Variants in CAMK1D observed in about 807,000 individuals in gnomAD.
CAMK1D encodes calcium/calmodulin-dependent protein kinase type 1D.
A neutral mutation model predicts 47.7 loss-of-function variants in CAMK1D; 9 were observed. The ratio of observed to expected loss-of-function variants is 0.19; its 90% CI spans 0.11 to 0.33. The LOEUF (loss-of-function observed/expected upper bound fraction) is 0.33, where lower values mean the gene tolerates loss of function less well. CAMK1D is among the 10% of genes least tolerant of loss of function. The pLI, the probability that CAMK1D is intolerant of heterozygous loss-of-function variation, is 1.00. For synonymous variants in CAMK1D, 184 were observed against 184.9 expected (o/e 0.99, Z 0.04); for missense variants, 291 against 488.7 (o/e 0.60, Z 3.81).
chr10:12,561,947 G>A (rs570576798), intron 2 of CAMK1D, among the ~76,000 whole-genome samples: 34 of 152,248 alleles, frequency 2.2e-4, no homozygotes, highest in African/African-American at 7.2e-4. Context: ...TCTCTCCAGG[G>A]TCCATGTATC....
At chr10:12,604,178 T>C (rs1356003363) in intron 2 of CAMK1D, among the ~76,000 whole-genome samples, 2 of 152,194 alleles carry the variant, frequency 1.3e-5, no homozygotes, top group South Asian at 2.1e-4. Flanking sequence ...CCCGTTCTTA[T>C]GTATCTCTGT....
intron 3 of CAMK1D, 52 bp from the exon 4 acceptor site, chr10:12,760,896 C>T: frequency 6.4e-7 from 1 of 1,570,686 alleles, no homozygotes; most frequent in Non-Finnish European, 8.7e-7. Context: ...GAAGCTTTCC[C>T]TTCACAATTC....
chr10:12,679,334 G>A (rs549305077), intron 3 of CAMK1D, among the ~76,000 whole-genome samples: 12 of 152,072 alleles, frequency 7.9e-5, no homozygotes, highest in East Asian at 1.9e-4. Context: ...GAAACTATCC[G>A]TTTATTTACT....
At chr10:12,811,542 T>A (rs999737917) in intron 6 of CAMK1D, among the ~76,000 whole-genome samples, 2 of 152,208 alleles carry the variant, frequency 1.3e-5, no homozygotes, top group African/African-American at 4.8e-5. Flanking sequence ...TCCTGTGTCC[T>A]CAGTTCAGCC....
chr10:12,538,149 T>C (rs906537827), intron 1 of CAMK1D, among the ~76,000 whole-genome samples: 1 of 152,238 alleles, frequency 6.6e-6, no homozygotes, highest in Non-Finnish European at 1.5e-5. Flanking sequence ...GCTGGGAACA[T>C]ACAGGGAAAA....
chr10:12,733,065 C>T (rs1028148046), intron 3 of CAMK1D, among the ~76,000 whole-genome samples: 2 of 152,220 alleles, frequency 1.3e-5, no homozygotes, highest in African/African-American at 4.8e-5. Flanking sequence ...GATGTCACTC[C>T]CTGGTCCAAA....
intron 6 of CAMK1D, among the ~76,000 whole-genome samples, chr10:12,806,887 G>A (rs1413116396): frequency 1.3e-5 from 2 of 152,006 alleles, no homozygotes; most frequent in Admixed American, 6.6e-5. Flanking sequence ...GGACTTTGGG[G>A]CTGTGGCGGT....
intron 1 of CAMK1D, among the ~76,000 whole-genome samples, chr10:12,380,692 T>TA (rs1297397438): frequency 1.3e-5 from 2 of 152,032 alleles, no homozygotes; most frequent in Non-Finnish European, 2.9e-5. Flanking sequence ...CCATCTCTAC[T>TA]AAAAACACAA....
chr10:12,667,562 A>G (rs1840473493), intron 3 of CAMK1D, among the ~76,000 whole-genome samples: 1 of 152,258 alleles, frequency 6.6e-6, no homozygotes, highest in Non-Finnish European at 1.5e-5. Flanking sequence ...TAGTAGAATT[A>G]ACTGATAGAA....
intron 1 of CAMK1D, among the ~76,000 whole-genome samples, chr10:12,549,541 T>A (rs571062284): frequency 1.3e-5 from 2 of 152,380 alleles, no homozygotes; most frequent in Non-Finnish European, 2.9e-5. Context: ...CAGTCCCTGC[T>A]TTCACTTCTG....
intron 2 of CAMK1D, among the ~76,000 whole-genome samples, chr10:12,615,651 A>G (rs1272253227): frequency 7.0e-6 from 1 of 142,386 alleles, no homozygotes; most frequent in Non-Finnish European, 1.5e-5. Flanking sequence ...TTGTACAGGT[A>G]TGTGTTTATT....
chr10:12,736,439 A>G (rs539471442), intron 3 of CAMK1D, among the ~76,000 whole-genome samples: 299 of 152,362 alleles, frequency 2.0e-3, no homozygotes, highest in African/African-American at 7.1e-3. Flanking sequence ...TAGTAACAGT[A>G]ATACTGAGAA....
In CAMK1D at chr10:12,666,713, T is replaced by C. The variant is rs750951564; in HGVS notation, c.225-23T>C. Reference sequence around the variant, plus strand: ...TCCTATCTAATCATACTCACTATTTTGTGCGTCTATTTTTTTTTTCAGGAT... The same window carrying C: ...TCCTATCTAATCATACTCACTATTTCGTGCGTCTATTTTTTTTTTCAGGAT... On this transcript the variant is annotated intron_variant, in intron 2 of 10. Transcript: ENST00000619168. 4 of 1,588,756 alleles carry C rather than the reference T, an allele frequency of 2.5e-6. No individual in the cohort carries two copies. The East Asian group carries it at 6.7e-5, about 27-fold the overall frequency.
chr10:12,617,956 A>G (rs187703800), intron 2 of CAMK1D, among the ~76,000 whole-genome samples: 68 of 152,296 alleles, frequency 4.5e-4, no homozygotes, highest in Non-Finnish European at 7.9e-4. Context: ...CTGATTTTGC[A>G]TTGTCATTTC....
At chr10:12,580,323 T>C (rs894729304) in intron 2 of CAMK1D, among the ~76,000 whole-genome samples, 5 of 146,486 alleles carry the variant, frequency 3.4e-5, no homozygotes, top group South Asian at 2.2e-4. Context: ...AATATGCCCC[T>C]CCCTCCCTTC....
At chr10:12,814,397 G>A (rs551227709) in intron 7 of CAMK1D, 90 bp downstream of exon 7, 28 of 788,702 alleles carry the variant, frequency 3.6e-5, no homozygotes, top group Non-Finnish European at 5.7e-5. Flanking sequence ...GGGACCCTGG[G>A]GGGCTCAGAA....
intron 2 of CAMK1D, among the ~76,000 whole-genome samples, chr10:12,595,426 G>T (rs1838119528): frequency 6.8e-6 from 1 of 146,614 alleles, no homozygotes; most frequent in South Asian, 2.2e-4. Flanking sequence ...TTATCAGAAT[G>T]TGGGCAGTCA....
intron 5 of CAMK1D, among the ~76,000 whole-genome samples, chr10:12,787,237 G>A (rs527824837): frequency 3.3e-5 from 5 of 152,280 alleles, no homozygotes; most frequent in East Asian, 1.9e-4. Context: ...CTTGCACCAC[G>A]GCCCAGTGTG....
In CAMK1D at chr10:12,699,742, A is replaced by G. The variant is rs564915667; in HGVS notation, c.299+32932A>G. On this transcript the variant is annotated intron_variant, in intron 3 of 10. Transcript: ENST00000619168. Reference sequence around the variant, plus strand: ...TCATCTTCCACATCAACTTGTTAAAACAAGTTATTCATTTGGAAACTGCTG... The same window carrying G: ...TCATCTTCCACATCAACTTGTTAAAGCAAGTTATTCATTTGGAAACTGCTG... 2.6e-5 allele frequency among the ~76,000 whole-genome samples: 4 copies of G among 152,120 alleles called. No individual in the cohort carries two copies. The East Asian group carries it at 5.8e-4, about 22-fold the overall frequency.
Sources: gnomAD v4.1 joint callset for allele counts (sites outside exome capture counted in the v4.1 genomes callset) on GRCh38, gnomAD v4.1.1 for gene constraint, MANE v1.5 for transcripts, NCBI Gene and HGNC (gene_info 2026-07-23, HGNC 2026-07-21) for gene names.